ZNF148: variants seen among roughly 807,000 people sequenced by gnomAD.
The protein encoded by ZNF148 is Beta-Enolase Repressor Factor-1.
Under a neutral mutation model 67.7 loss-of-function variants are expected in ZNF148, and 7 were observed. That is an observed-to-expected ratio of 0.10 (90% CI 0.06 to 0.19). The LOEUF is 0.19. Ranked by LOEUF, ZNF148 falls within the 10% of genes least tolerant of loss-of-function variation. ZNF148 has a pLI of 1.00. For missense variants in ZNF148, 583 were observed against 947.1 expected (o/e 0.62, Z 5.05); for synonymous variants, 333 against 330.7 (o/e 1.01, Z -0.08).
At chr3:125,280,302 A>G (rs1288694772) in intron 5 of ZNF148, among the ~76,000 whole-genome samples, 1 of 152,050 alleles carries the variant, frequency 6.6e-6, no homozygotes, top group Non-Finnish European at 1.5e-5. Context: ...GAGTATTGCA[A>G]GCCTGGTTTG....
rs574861567 is a variant in ZNF148, at chr3:125,238,409, C to T, written c.668-4080G>A. On this transcript the variant is annotated intron_variant, in intron 7 of 8. Transcript: ENST00000360647. ...TTGGGAGGCAGAGGCGGGTGGATCACTTGAGGTCAGGAGTTCAAGACCGGT... is the reference window on the plus strand; with the variant it reads ...TTGGGAGGCAGAGGCGGGTGGATCATTTGAGGTCAGGAGTTCAAGACCGGT... 4.3e-4 allele frequency among the ~76,000 whole-genome samples: 66 copies of T among 152,162 alleles called. 1 individual carries two copies. In the South Asian group the frequency reaches 0.013, roughly 30 times the overall value.
At position 125,237,644 on chromosome 3, in the gene ZNF148, TAC is replaced by T. The variant is rs563791006; in HGVS notation, c.668-3317_668-3316del. Among the ~76,000 whole-genome samples, 455 of 152,284 alleles carry T rather than the reference TAC, an allele frequency of 3.0e-3. 2 individuals are homozygous for T. Among genetic ancestry groups the T allele is most frequent in the African/African-American group, 0.01 (430 of 41,554 alleles). On this transcript the variant is annotated intron_variant, in intron 7 of 8. Coordinates refer to ENST00000360647, the MANE Select transcript of ZNF148 (RefSeq NM_021964.3). Reference sequence around the variant, plus strand: ...GATAGAGCTCATTAACGTCAGAAGTTACAGTTATTTATCAAAAGTGATAATGA... The same window carrying T: ...GATAGAGCTCATTAACGTCAGAAGTTAGTTATTTATCAAAAGTGATAATGA...
In ZNF148 at chr3:125,233,560, T is replaced by C. The variant is rs758564504; in HGVS notation, c.1166A>G (p.Lys389Arg). The change falls in exon 9 of 9, where the codon AAG (lysine) becomes AGG (arginine). Residue 389 changes from lysine to arginine, a missense_variant. Around this residue, in one of 5 missense-constraint regions of ZNF148, gnomAD observed 172 missense variants for 307.7 expected, o/e 0.56. Coordinates refer to ENST00000360647, the MANE Select transcript of ZNF148 (RefSeq NM_021964.3). This position sits in a 1 kb window ranked among gnomAD's most constrained non-coding sequence, Gnocchi z 5.1. Reference sequence around the variant, plus strand: ...ACTATTAATTTTTTTGAGAACTAACTTAGGTGGGTGTATTTCTCCTGACGC... The same window carrying C: ...ACTATTAATTTTTTTGAGAACTAACCTAGGTGGGTGTATTTCTCCTGACGC... ...EDASGEIHPP[K>R]LVLKKINSKR... 1 of 1,613,956 alleles carries C rather than the reference T, an allele frequency of 6.2e-7. No individual in the cohort carries two copies. The highest frequency in any genetic ancestry group is 2.2e-5 in the East Asian group (1 of 44,886).
chr3:125,326,180 G>C (rs1941009333), intron 2 of ZNF148, among the ~76,000 whole-genome samples: 1 of 152,070 alleles, frequency 6.6e-6, no homozygotes, highest in South Asian at 2.1e-4. Flanking sequence ...AAACACATCA[G>C]ACTTAAATCC....
intron 4 of ZNF148, among the ~76,000 whole-genome samples, chr3:125,303,087 G>C (rs1254661738): frequency 6.6e-6 from 1 of 152,160 alleles, no homozygotes; most frequent in Non-Finnish European, 1.5e-5. Flanking sequence ...GCATTACGTT[G>C]AGTGAAAAAA....
chr3:125,307,342 C>T (rs1374590383), intron 4 of ZNF148, among the ~76,000 whole-genome samples: 4 of 151,070 alleles, frequency 2.6e-5, no homozygotes, highest in East Asian at 1.9e-4. Flanking sequence ...CTCGCTCTGT[C>T]GCCCAGGCTG....
chr3:125,261,642 A>AG (rs1937345130), intron 7 of ZNF148, among the ~76,000 whole-genome samples: 1 of 152,132 alleles, frequency 6.6e-6, no homozygotes, highest in East Asian at 1.9e-4. Flanking sequence ...CGACATGAGG[A>AG]GGACTGATAG....
At chr3:125,321,951 T>G (rs1330268837) in intron 3 of ZNF148, among the ~76,000 whole-genome samples, 1 of 151,916 alleles carries the variant, frequency 6.6e-6, no homozygotes, top group Non-Finnish European at 1.5e-5. Context: ...ATGGTTATTT[T>G]TAATACATAC....
chr3:125,234,031 A>C, intron 8 of ZNF148, 92 bp from the exon 9 acceptor site: 1 of 1,428,346 alleles, frequency 7.0e-7, no homozygotes, highest in Non-Finnish European at 9.3e-7. Context: ...ATAAAGATAT[A>C]TTAATGCAAT....
At chr3:125,289,129 T>C (rs1240442185) in intron 4 of ZNF148, among the ~76,000 whole-genome samples, 1 of 152,202 alleles carries the variant, frequency 6.6e-6, no homozygotes, top group Admixed American at 6.5e-5. Flanking sequence ...TAGGAAACTT[T>C]CAACTCAGGC....
At chr3:125,337,076 T>G (rs905280355) in intron 1 of ZNF148, among the ~76,000 whole-genome samples, 3 of 150,294 alleles carry the variant, frequency 2.0e-5, no homozygotes, top group Non-Finnish European at 4.4e-5. Flanking sequence ...GTGTGGTTAC[T>G]GCACTTAGCT....
chr3:125,357,797 A>G (rs996412738), intron 1 of ZNF148: 6 of 152,282 alleles, frequency 3.9e-5, no homozygotes, highest in African/African-American at 7.2e-5. Context: ...AATAGTATCC[A>G]ACAAAACGCT....
intron 1 of ZNF148, among the ~76,000 whole-genome samples, chr3:125,336,965 G>A (rs1302935101): frequency 1.4e-5 from 2 of 145,320 alleles, no homozygotes; most frequent in Admixed American, 7.0e-5. Context: ...GTGAGCCACC[G>A]CACCCAGCCA....
intron 4 of ZNF148, chr3:125,292,628 A>G (rs976223816): frequency 6.6e-6 from 1 of 152,222 alleles, no homozygotes; most frequent in Non-Finnish European, 1.5e-5. Context: ...GTAAATCTAC[A>G]TCAGTGGTTC....
At chr3:125,301,938 T>C (rs767043534) in intron 4 of ZNF148, among the ~76,000 whole-genome samples, 8 of 151,428 alleles carry the variant, frequency 5.3e-5, no homozygotes, top group Non-Finnish European at 1.2e-4. Context: ...GTGGCGGGCA[T>C]CTGGAATCCC....
At chr3:125,322,571 C>A (rs1374109001) in intron 3 of ZNF148, among the ~76,000 whole-genome samples, 1 of 151,996 alleles carries the variant, frequency 6.6e-6, no homozygotes, top group Non-Finnish European at 1.5e-5. Flanking sequence ...TTCTCTTTTT[C>A]TTCTTATTAG....
At chr3:125,342,192 G>A (rs1044157857) in intron 1 of ZNF148, among the ~76,000 whole-genome samples, 10 of 151,710 alleles carry the variant, frequency 6.6e-5, no homozygotes, top group Admixed American at 3.9e-4. Flanking sequence ...AAAGGGAGTG[G>A]GGCTCAAACA....
intron 7 of ZNF148, among the ~76,000 whole-genome samples, chr3:125,268,034 G>C (rs1937574019): frequency 6.6e-6 from 1 of 151,506 alleles, no homozygotes; most frequent in Admixed American, 6.6e-5. Context: ...TCTATAAGAA[G>C]AACTAAAAAA....
intron 5 of ZNF148, among the ~76,000 whole-genome samples, chr3:125,285,030 T>C (rs532893669): frequency 6.6e-6 from 1 of 152,140 alleles, no homozygotes; most frequent in South Asian, 2.1e-4. Flanking sequence ...AAGGCAGCCA[T>C]AGTTACATGG....
Sources: allele counts gnomAD v4.1 joint callset (sites outside exome capture counted in the v4.1 genomes callset), GRCh38; gene constraint gnomAD v4.1.1; regional missense constraint gnomAD v4.1.1; non-coding constraint Gnocchi (gnomAD v3.1); transcripts MANE v1.5; gene names NCBI Gene and HGNC (gene_info 2026-07-23, HGNC 2026-07-21).